CAPN5: variants seen among roughly 807,000 people sequenced by gnomAD.
CAPN5 encodes the protein calpain 5.
Under a neutral mutation model 73.0 loss-of-function variants are expected in CAPN5, and 54 were observed. The observed-to-expected ratio is 0.74, with a 90% CI of 0.59 to 0.93. CAPN5 has a LOEUF of 0.93. Ranked by LOEUF, CAPN5 falls within the 40% of genes least tolerant of loss-of-function variation. CAPN5 has a pLI of 0.00. For missense variants in CAPN5, 785 were observed against 882.9 expected, an observed-to-expected ratio of 0.89 and a Z score of 1.41; for synonymous variants, 335 against 356.9, an observed-to-expected ratio of 0.94 and a Z score of 0.69.
chr11:77,087,613 C>T (rs1488346611), intron 2 of CAPN5, among the ~76,000 whole-genome samples: 2 of 152,154 alleles, frequency 1.3e-5, no homozygotes, highest in African/African-American at 4.8e-5. Flanking sequence ...TGACCTTGAA[C>T]AAGTCACTCC....
rs1335440128 is a variant in CAPN5 at position 77,123,945 on chromosome 11, G to A, written c.*75G>A. 3 of 1,441,866 alleles carry A rather than the reference G, an allele frequency of 2.1e-6. No individual in the cohort carries two copies. Among genetic ancestry groups the A allele is most frequent in the African/African-American group, 1.4e-5 (1 of 71,670 alleles). 89.3% of individuals were successfully genotyped at this position (1,441,866 alleles called of 1,614,324 possible). On this transcript the variant is annotated 3_prime_UTR_variant, in exon 13 of 13. Coordinates refer to ENST00000648180, the MANE Select transcript of CAPN5 (RefSeq NM_004055.5). ...CCCCACTGGGCCTGAGTCTAGCCTG[G>A]GAGCCAGGATACTGGGGTCCTTTTC...
chr11:77,093,553 G>A, intron 2 of CAPN5, 129 bp from the exon 3 acceptor site: 3 of 1,388,044 alleles, frequency 2.2e-6, no homozygotes, highest in East Asian at 2.5e-5. Flanking sequence ...TGGGAGGCAG[G>A]TGAATCACCA....
intron 1 of CAPN5, among the ~76,000 whole-genome samples, chr11:77,070,658 C>T (rs566431521): frequency 3.3e-5 from 5 of 152,306 alleles, no homozygotes; most frequent in East Asian, 3.9e-4. Context: ...ATCACTGTTG[C>T]GACAAATTGC....
At chr11:77,118,134 G>T in intron 7 of CAPN5, 23 bp from the exon 8 acceptor site, 1 of 1,598,814 alleles carries the variant, frequency 6.3e-7, no homozygotes, top group Non-Finnish European at 8.5e-7. Flanking sequence ...GAGGTACCCT[G>T]CTCAGCCCCT....
At chr11:77,118,439 T>C in intron 8 of CAPN5, 87 bp downstream of exon 8, 1 of 1,175,432 alleles carries the variant, frequency 8.5e-7, no homozygotes, top group Non-Finnish European at 1.2e-6. Context: ...TGCATGACCT[T>C]GGGTAATCCC....
At position 77,084,875 on chromosome 11, in the gene CAPN5, G is replaced by T. The variant is rs782783566; in HGVS notation, c.-12G>T. On this transcript the variant is annotated 5_prime_UTR_variant, in exon 2 of 13. Transcript: ENST00000648180. ...AGGTGTTCCCCCTCCCCTCCCTGGG[G>T]CAGCAGCCACCATGTTCTCGTGTGT... The T allele has an allele frequency of 6.2e-7, 1 of 1,613,960 alleles. No individual in the cohort carries two copies. The highest frequency in any genetic ancestry group is 1.3e-5 in the African/African-American group (1 of 75,050).
chr11:77,118,435 A>G, intron 8 of CAPN5, 83 bp downstream of exon 8: 2 of 1,202,616 alleles, frequency 1.7e-6, no homozygotes, highest in Non-Finnish European at 2.3e-6. Context: ...CTCCTGCATG[A>G]CCTTGGGTAA....
chr11:77,093,309 G>A (rs1362228184), intron 2 of CAPN5, among the ~76,000 whole-genome samples: 1 of 152,232 alleles, frequency 6.6e-6, no homozygotes, highest in Non-Finnish European at 1.5e-5. Context: ...CAGGCTGCTG[G>A]TGCTAGAGAA....
chr11:77,090,423 A>G (rs1950137122), intron 2 of CAPN5, among the ~76,000 whole-genome samples: 1 of 152,140 alleles, frequency 6.6e-6, no homozygotes, highest in African/African-American at 2.4e-5. Flanking sequence ...TGGGGCCCAG[A>G]TCTGGTTGGA....
intron 7 of CAPN5, 66 bp from the exon 8 acceptor site, chr11:77,118,091 G>T (rs1565278189): frequency 1.4e-6 from 2 of 1,460,410 alleles, no homozygotes; most frequent in Non-Finnish European, 1.9e-6. Context: ...AGGTTGTTGG[G>T]CTGGGGGGCC....
rs144144401 is a variant in CAPN5, at chr11:77,071,050, G to A, written c.-36+3956G>A. On this transcript the variant is annotated intron_variant, in intron 1 of 12. Coordinates refer to ENST00000648180, the MANE Select transcript of CAPN5 (RefSeq NM_004055.5). The stretch of plus-strand genomic sequence containing the variant: ...GTCATTCACAGGTTCTAGGGATTCG[G>A]TTGGGAGTATCTTTGGGGCCGTCAT... Among the ~76,000 whole-genome samples, 9 of 152,328 alleles carry A rather than the reference G, an allele frequency of 5.9e-5. No homozygotes were observed. In the East Asian group the frequency reaches 1.7e-3, roughly 29 times the overall value.
chr11:77,113,126 G>A (rs1555041047), intron 4 of CAPN5, among the ~76,000 whole-genome samples: 1 of 152,250 alleles, frequency 6.6e-6, no homozygotes, highest in African/African-American at 2.4e-5. Context: ...ATGCTGCCAT[G>A]CCCTGCCTGG....
rs181788576 is a variant in CAPN5, at chr11:77,121,399, C to T, written c.1487+490C>T. Reference sequence around the variant, plus strand: ...TCCTTGCTGGGGCATAGACCCTGTGCGTCCCGCACTGCCCTCCACTGTGAT... The same window carrying T: ...TCCTTGCTGGGGCATAGACCCTGTGTGTCCCGCACTGCCCTCCACTGTGAT... On this transcript the variant is annotated intron_variant, in intron 10 of 12. Transcript: ENST00000648180. Among the ~76,000 whole-genome samples, 23 of 152,378 alleles carry T rather than the reference C, an allele frequency of 1.5e-4. No individual in the cohort carries two copies. The East Asian group carries it at 3.3e-3, about 22-fold the overall frequency.
At chr11:77,086,039 G>A (rs1428837712) in intron 2 of CAPN5, among the ~76,000 whole-genome samples, 1 of 152,218 alleles carries the variant, frequency 6.6e-6, no homozygotes, top group African/African-American at 2.4e-5. Flanking sequence ...GGAAAAGGCA[G>A]AGGGAATAGA....
chr11:77,084,995 G>A lies in CAPN5; in HGVS notation c.109G>A (p.Asp37Asn), dbSNP rs781003018. The change falls in exon 2 of 13, where the codon GAC becomes AAC. Residue 37 changes from aspartate (D) to asparagine (N), a missense_variant. Coordinates refer to ENST00000648180, the MANE Select transcript of CAPN5 (RefSeq NM_004055.5). The part of the protein sequence containing the change: ...FEDPLFPATD[D>N]SLYYKGTPGP... ...GGACCCCCTCTTCCCCGCCACTGAC[G>A]ACTCACTCTACTATAAGGGCACGCC... is the stretch of plus-strand genomic sequence containing the variant. 35 of 1,613,838 alleles carry A rather than the reference G, an allele frequency of 2.2e-5. No homozygotes were observed. Among genetic ancestry groups the A allele is most frequent in the Admixed American group, 5.0e-5 (3 of 60,024 alleles).
chr11:77,097,367 C>T (rs1446300092), intron 3 of CAPN5, among the ~76,000 whole-genome samples: 5 of 150,374 alleles, frequency 3.3e-5, no homozygotes, highest in African/African-American at 4.9e-5. Flanking sequence ...GTACTGGGGA[C>T]GAAAGGCTTG....
chr11:77,110,176 C>A (rs1950397574), intron 3 of CAPN5, among the ~76,000 whole-genome samples: 1 of 151,972 alleles, frequency 6.6e-6, no homozygotes, highest in Non-Finnish European at 1.5e-5. Context: ...CAACCTCCGC[C>A]TCCCAGGTTC....
intron 1 of CAPN5, among the ~76,000 whole-genome samples, chr11:77,082,194 G>A (rs1436079772): frequency 1.3e-5 from 2 of 152,078 alleles, no homozygotes; most frequent in Non-Finnish European, 2.9e-5. Context: ...GCTGCGAGGA[G>A]CTCCGAGCCC....
rs565558853 is a variant in CAPN5 at position 77,118,958 on chromosome 11, C to T, written c.1168-72C>T. 177 of 1,536,716 alleles carry T rather than the reference C, an allele frequency of 1.2e-4. No homozygotes were observed. The African/African-American group carries it at 2.0e-3, about 17-fold the overall frequency. The stretch of plus-strand genomic sequence containing the variant: ...GTCCAGGCTCTGGAGTCTGAGCTTC[C>T]GGGAGCCAGCCAGCCCATGCCTGGT... On this transcript the variant is annotated intron_variant, in intron 8 of 12. Coordinates refer to ENST00000648180, the MANE Select transcript of CAPN5 (RefSeq NM_004055.5).
Sources: gnomAD v4.1 joint callset for allele counts (sites outside exome capture counted in the v4.1 genomes callset) on GRCh38, gnomAD v4.1.1 for gene constraint, MANE v1.5 for transcripts, NCBI Gene and HGNC (gene_info 2026-07-23, HGNC 2026-07-21) for gene names.